GRIK4: variants seen among roughly 807,000 people sequenced by gnomAD.
GRIK4 encodes glutamate receptor ionotropic, kainate 4.
GRIK4 carries 40 observed loss-of-function variants against 104.9 expected under a neutral mutation model. The ratio of observed to expected loss-of-function variants is 0.38; its 90% CI spans 0.30 to 0.50. GRIK4 has a LOEUF of 0.50. Among genes scored for constraint, GRIK4 ranks in the 20% least tolerant of loss-of-function variants. The pLI is 0.93. For synonymous variants in GRIK4, 485 were observed against 524.9 expected, an observed-to-expected ratio of 0.92 and a Z score of 1.04; for missense variants, 1,047 against 1,308.1, an observed-to-expected ratio of 0.80 and a Z score of 3.08.
rs185223970 is a variant in GRIK4, at chr11:120,637,936, A to G, written c.-158-15749A>G. Among the ~76,000 whole-genome samples the G allele has an allele frequency of 2.1e-3, 322 of 151,794 alleles. 3 individuals carry two copies. The highest frequency in any genetic ancestry group is 2.8e-4 in the Non-Finnish European group (19 of 67,892). The stretch of plus-strand genomic sequence containing the variant: ...GCTCTGTCATCCAGGCTGGAGTGCA[A>G]TGGCGTGATCTCGGCTCACTAAAAC... On this transcript the variant is annotated intron_variant, in intron 1 of 20. Transcript: ENST00000527524.
intron 3 of GRIK4, among the ~76,000 whole-genome samples, chr11:120,784,479 C>G (rs185608298): frequency 6.6e-6 from 1 of 152,256 alleles, no homozygotes; most frequent in Admixed American, 6.5e-5. Context: ...AGACCTCTGG[C>G]TCCCTTGGTA....
In GRIK4 at chr11:120,985,968, ACC is replaced by A. The variant is rs1944737254; in HGVS notation, c.2583_2584del (p.Arg862ProfsTer283). Reference sequence around the variant, plus strand: ...ATTATCCTGTGTCAGGACAGTATCCACCCCCGCCGGCGGCGCGCCGCAGTCCC... The same window carrying A: ...ATTATCCTGTGTCAGGACAGTATCCACCCGCCGGCGGCGCGCCGCAGTCCC... On this transcript the variant is annotated frameshift_variant, in exon 21 of 21. Transcript: ENST00000527524. LOFTEE classifies it high-confidence loss of function. The A allele has an allele frequency of 6.6e-7, 1 of 1,526,592 alleles. No homozygotes were observed. The highest frequency in any genetic ancestry group is 8.8e-7 in the Non-Finnish European group (1 of 1,137,650). The allele number at this position is 1,526,592 out of a possible 1,614,324, so 94.6% of individuals were successfully genotyped here.
rs2135493786 is a variant in GRIK4, at chr11:120,792,328, C to T, written c.83-10365C>T. ...GTAGAGAGGGATGAGCAGGGAAGCA[C>T]AATATAAGGTTTGACAGAGTCAAGT... On this transcript the variant is annotated intron_variant, in intron 3 of 20. Transcript: ENST00000527524. 2.0e-5 allele frequency among the ~76,000 whole-genome samples: 3 copies of T among 150,622 alleles called. No homozygotes were observed. In the Middle Eastern group the frequency reaches 0.01, roughly 512 times the overall value.
intron 3 of GRIK4, among the ~76,000 whole-genome samples, chr11:120,664,675 A>G (rs1277937331): frequency 6.6e-6 from 1 of 152,252 alleles, no homozygotes; most frequent in African/African-American, 2.4e-5. Flanking sequence ...CAGCCATCAC[A>G]TTAAATACAT....
chr11:120,905,252 G>A lies in GRIK4; in HGVS notation c.1273-38G>A. 3 of 1,469,526 alleles carry A rather than the reference G, an allele frequency of 2.0e-6. No individual in the cohort carries two copies. Among genetic ancestry groups the A allele is most frequent in the Non-Finnish European group, 2.9e-6 (3 of 1,049,348 alleles). The allele number at this position is 1,469,526 out of a possible 1,614,324, so 91.0% of individuals were successfully genotyped here. Reference sequence around the variant, plus strand: ...CATCACACGCGGGTGAGACACCAGGGCTAAGATGAGAATGACAGCTGCCCA... The same window carrying A: ...CATCACACGCGGGTGAGACACCAGGACTAAGATGAGAATGACAGCTGCCCA... On this transcript the variant is annotated intron_variant, in intron 12 of 20. Coordinates refer to ENST00000527524, the MANE Select transcript of GRIK4 (RefSeq NM_014619.5). The surrounding 1 kb of genome is among the most constrained non-coding windows in gnomAD (Gnocchi z 5.1).
chr11:120,842,631 G>T (rs1312221571), intron 8 of GRIK4, among the ~76,000 whole-genome samples: 2 of 152,232 alleles, frequency 1.3e-5, no homozygotes, highest in Non-Finnish European at 2.9e-5. Flanking sequence ...TCAGCACTTA[G>T]TTATAAGGAT....
chr11:120,777,968 A>G (rs1262336554), intron 3 of GRIK4, among the ~76,000 whole-genome samples: 1 of 151,868 alleles, frequency 6.6e-6, no homozygotes, highest in East Asian at 1.9e-4. Context: ...AAAGGACGAA[A>G]TAAAGTAGAG....
chr11:120,895,188 A>G (rs1326847690), intron 11 of GRIK4, among the ~76,000 whole-genome samples: 3 of 152,032 alleles, frequency 2.0e-5, no homozygotes, highest in Non-Finnish European at 2.9e-5. Context: ...GGCTTCTTTT[A>G]GCAAGTGATT....
intron 3 of GRIK4, among the ~76,000 whole-genome samples, chr11:120,767,529 T>C (rs1200472472): frequency 6.6e-6 from 1 of 152,222 alleles, no homozygotes; most frequent in Non-Finnish European, 1.5e-5. Context: ...TTTATTTTGC[T>C]GTACAGAAGC....
In GRIK4 at chr11:120,563,346, T is replaced by C. The variant is rs1008471989; in HGVS notation, c.-159+51459T>C. ...GAGGAACTATGGGATCCAGCTTCTC[T>C]GGGCTCCAGAGAACAACTTCTGGGG... On this transcript the variant is annotated intron_variant, in intron 1 of 20. Transcript: ENST00000527524. Among the ~76,000 whole-genome samples, 17 of 152,074 alleles carry C rather than the reference T, an allele frequency of 1.1e-4. No homozygotes were observed. In the South Asian group the frequency reaches 1.2e-3, roughly 11 times the overall value.
intron 1 of GRIK4, among the ~76,000 whole-genome samples, chr11:120,644,504 G>A (rs956863306): frequency 5.9e-5 from 9 of 152,216 alleles, no homozygotes; most frequent in Non-Finnish European, 1.2e-4. Context: ...CTTGGTCACA[G>A]TAAGTGAGGG....
intron 3 of GRIK4, among the ~76,000 whole-genome samples, chr11:120,773,705 G>GT (rs1951988063): frequency 6.6e-6 from 1 of 152,212 alleles, no homozygotes; most frequent in African/African-American, 2.4e-5. Context: ...AATGAGGACT[G>GT]TAAAACAGCT....
At chr11:120,973,031 A>G (rs1048440857) in intron 19 of GRIK4, among the ~76,000 whole-genome samples, 1 of 152,120 alleles carries the variant, frequency 6.6e-6, no homozygotes, top group Non-Finnish European at 1.5e-5. Flanking sequence ...CAATGACACA[A>G]CCGCAAACCT....
At chr11:120,578,071 TG>T (rs1408418472) in intron 1 of GRIK4, among the ~76,000 whole-genome samples, 1 of 152,088 alleles carries the variant, frequency 6.6e-6, no homozygotes, top group Non-Finnish European at 1.5e-5. Context: ...TGTGTGTGCA[TG>T]TGTGTGCATG....
intron 3 of GRIK4, among the ~76,000 whole-genome samples, chr11:120,692,221 T>C (rs9651696): frequency 0.54 from 81,892 of 152,098 alleles, 22,957 homozygotes; most frequent in African/African-American, 0.69. Context: ...CCTGTGATGA[T>C]CTGGGGCAGG....
In GRIK4 at chr11:120,671,755, C is replaced by T. The variant is rs1233989882; in HGVS notation, c.82+11355C>T. 2.0e-5 allele frequency among the ~76,000 whole-genome samples: 3 copies of T among 152,186 alleles called. No homozygotes were observed. In the East Asian group the frequency reaches 5.8e-4, roughly 29 times the overall value. ...ATTAGATCCCATTTGTCAATTTTGG[C>T]TTATGTTGCCATTGCTTTTGGTGTT... On this transcript the variant is annotated intron_variant, in intron 3 of 20. Transcript: ENST00000527524.
chr11:120,874,046 T>G lies in GRIK4; in HGVS notation c.907-20T>G. 1 of 1,588,648 alleles carries G rather than the reference T, an allele frequency of 6.3e-7. No individual in the cohort carries two copies. On this transcript the variant is annotated intron_variant, in intron 9 of 20. Coordinates refer to ENST00000527524, the MANE Select transcript of GRIK4 (RefSeq NM_014619.5). Reference sequence around the variant, plus strand: ...ACACCTCTCACTCCCTCCCTCCGCCTGCTCCCCGGCCTCTCCCAGCTCTCC... The same window carrying G: ...ACACCTCTCACTCCCTCCCTCCGCCGGCTCCCCGGCCTCTCCCAGCTCTCC...
intron 1 of GRIK4, among the ~76,000 whole-genome samples, chr11:120,539,490 A>G (rs1187931727): frequency 6.6e-6 from 1 of 152,148 alleles, no homozygotes; most frequent in East Asian, 1.9e-4. Flanking sequence ...CCCTTTGCAG[A>G]TGGACTCCCA....
At chr11:120,728,021 A>T (rs1347853605) in intron 3 of GRIK4, among the ~76,000 whole-genome samples, 1 of 152,128 alleles carries the variant, frequency 6.6e-6, no homozygotes, top group Non-Finnish European at 1.5e-5. Context: ...ATAATTCAAA[A>T]AGCCTCATGA....
Sources: allele counts gnomAD v4.1 joint callset (sites outside exome capture counted in the v4.1 genomes callset), GRCh38; gene constraint gnomAD v4.1.1; non-coding constraint Gnocchi (gnomAD v3.1); transcripts MANE v1.5; gene names NCBI Gene and HGNC (gene_info 2026-07-23, HGNC 2026-07-21).